Variants in PEAK1 observed in about 807,000 individuals in gnomAD.
PEAK1 encodes the protein inactive tyrosine-protein kinase PEAK1.
In PEAK1, 54 loss-of-function variants were observed where a neutral mutation model predicts 124.7. The ratio of observed to expected loss-of-function variants is 0.43; its 90% CI spans 0.35 to 0.54. PEAK1 has a LOEUF of 0.54. Among genes scored for constraint, PEAK1 ranks in the 20% least tolerant of loss-of-function variants. The pLI, the probability that PEAK1 is intolerant of heterozygous loss-of-function variation, is 0.01. For missense variants in PEAK1, 2,046 were observed against 2,134.5 expected, an observed-to-expected ratio of 0.96 and a Z score of 0.82; for synonymous variants, 719 against 760.0, an observed-to-expected ratio of 0.95 and a Z score of 0.89.
At chr15:77,337,992 A>C (rs2066303397) in intron 2 of PEAK1, 1 of 984,474 alleles carries the variant, frequency 1.0e-6, no homozygotes, top group Non-Finnish European at 1.2e-6. Context: ...GGAACCTATA[A>C]TAAATTATCT....
intron 1 of PEAK1, among the ~76,000 whole-genome samples, chr15:77,400,322 T>C (rs915900778): frequency 6.6e-6 from 1 of 152,084 alleles, no homozygotes; most frequent in Non-Finnish European, 1.5e-5. Flanking sequence ...TATATACCCA[T>C]AACAAAGGAA....
intron 2 of PEAK1, among the ~76,000 whole-genome samples, chr15:77,298,655 C>CA (rs1430500077): frequency 3.9e-5 from 6 of 152,046 alleles, no homozygotes; most frequent in Non-Finnish European, 2.9e-5. Context: ...TTTTTATTCA[C>CA]AGAGTCCACA....
intron 2 of PEAK1, among the ~76,000 whole-genome samples, chr15:77,338,336 C>G (rs2066322425): frequency 1.3e-5 from 2 of 152,258 alleles, no homozygotes; most frequent in South Asian, 4.1e-4. Context: ...TTTCCTCTTG[C>G]TGAGGGAGGA....
chr15:77,270,158 C>A (rs1257357716), intron 5 of PEAK1, among the ~76,000 whole-genome samples: 1 of 151,984 alleles, frequency 6.6e-6, no homozygotes, highest in African/African-American at 2.4e-5. Flanking sequence ...TATGACAAAC[C>A]CACAGCCAAT....
chr15:77,334,538 T>G, intron 2 of PEAK1: 3 of 985,418 alleles, frequency 3.0e-6, no homozygotes, highest in Non-Finnish European at 3.6e-6. Context: ...ATGCGAGAAT[T>G]TATGGGTTGG....
Position 77,181,032 on chromosome 15 carries a change from T to C in PEAK1, c.895A>G (p.Lys299Glu). ...KKWNTIPLRN[K>E]SLQRICAVDY... Reference sequence around the variant, plus strand: ...ACAGCACAGATTCTCTGCAGAGACTTGTTTCGCAGGGGGATGGTATTCCAT... The same window carrying C: ...ACAGCACAGATTCTCTGCAGAGACTCGTTTCGCAGGGGGATGGTATTCCAT... The change falls in exon 7 of 10, where the codon AAG becomes GAG. Residue 299 changes from lysine to glutamate, a missense_variant. Transcript: ENST00000682557. 1.9e-6 allele frequency: 3 copies of C among 1,614,186 alleles called. No individual in the cohort carries two copies. Among genetic ancestry groups the C allele is most frequent in the Non-Finnish European group, 1.7e-6 (2 of 1,180,016 alleles).
chr15:77,404,612 G>C, intron 1 of PEAK1: 1 of 922,134 alleles, frequency 1.1e-6, no homozygotes, highest in Non-Finnish European at 1.3e-6. Context: ...TATTTCTATT[G>C]GACAGCACTG....
intron 9 of PEAK1, among the ~76,000 whole-genome samples, chr15:77,117,074 G>A (rs1237274014): frequency 6.6e-6 from 1 of 152,140 alleles, no homozygotes; most frequent in African/African-American, 2.4e-5. Context: ...TAGTTGTATA[G>A]GAGTTGGATC....
At chr15:77,416,687 T>C (rs2072909275) in intron 1 of PEAK1, among the ~76,000 whole-genome samples, 1 of 152,212 alleles carries the variant, frequency 6.6e-6, no homozygotes, top group Non-Finnish European at 1.5e-5. Flanking sequence ...TCCACTCACC[T>C]GCAGCTATTG....
intron 8 of PEAK1, chr15:77,156,969 G>A (rs891972259): frequency 1.3e-5 from 2 of 152,124 alleles, no homozygotes; most frequent in Non-Finnish European, 2.9e-5. Flanking sequence ...ACTATAGTAT[G>A]TTTCCCCTAC....
At chr15:77,210,611 G>C (rs1596630658) in intron 6 of PEAK1, among the ~76,000 whole-genome samples, 1 of 152,216 alleles carries the variant, frequency 6.6e-6, no homozygotes, top group East Asian at 1.9e-4. Context: ...TGGGCGCAGT[G>C]GCTCACGCCT....
rs561881659 is a variant in PEAK1, at chr15:77,144,151, C to T, written c.3332-10401G>A. ...TCAGAGGAGGTGAAGAACGGCTGATCGTGTGACTTTCTGCCAGCTAGAGAA... is the reference window on the plus strand; with the variant it reads ...TCAGAGGAGGTGAAGAACGGCTGATTGTGTGACTTTCTGCCAGCTAGAGAA... On this transcript the variant is annotated intron_variant, in intron 8 of 9. Coordinates refer to ENST00000682557, the MANE Select transcript of PEAK1 (RefSeq NM_001385026.1). Among the ~76,000 whole-genome samples, 47 of 152,318 alleles carry T rather than the reference C, an allele frequency of 3.1e-4. 1 individual carries two copies. The South Asian group carries it at 6.4e-3, about 21-fold the overall frequency.
intron 8 of PEAK1, among the ~76,000 whole-genome samples, chr15:77,152,595 T>C (rs902647732): frequency 2.0e-5 from 3 of 152,222 alleles, no homozygotes; most frequent in African/African-American, 7.2e-5. Flanking sequence ...TTCCAGTTTT[T>C]GCTCATTCAG....
intron 2 of PEAK1, among the ~76,000 whole-genome samples, chr15:77,319,315 G>C (rs1254259253): frequency 6.7e-6 from 1 of 150,056 alleles, no homozygotes; most frequent in Non-Finnish European, 1.5e-5. Context: ...AATCTTTTCA[G>C]TGATCTACAA....
Position 77,182,049 on chromosome 15 carries a change from G to A in PEAK1, c.-114-9C>T. The stretch of plus-strand genomic sequence containing the variant: ...TTCTAAGAATGATCAATCTGTGGAG[G>A]GGAAAAGAAGACAAAAAATCTGAAT... On this transcript the variant is annotated splice_polypyrimidine_tract_variant and intron_variant, in intron 6 of 9. Coordinates refer to ENST00000682557, the MANE Select transcript of PEAK1 (RefSeq NM_001385026.1). 3 of 1,390,210 alleles carry A rather than the reference G, an allele frequency of 2.2e-6. No individual in the cohort carries two copies. Among genetic ancestry groups the A allele is most frequent in the Non-Finnish European group, 2.8e-6 (3 of 1,076,592 alleles). The allele number at this position is 1,390,210 out of a possible 1,614,324, so 86.1% of individuals were successfully genotyped here.
chr15:77,380,417 C>G (rs1169496949), intron 1 of PEAK1, among the ~76,000 whole-genome samples: 1 of 152,120 alleles, frequency 6.6e-6, no homozygotes, highest in Non-Finnish European at 1.5e-5. Context: ...GGCAAGATCC[C>G]TTTTTATTCC....
intron 6 of PEAK1, among the ~76,000 whole-genome samples, chr15:77,239,629 G>C (rs761654512): frequency 1.3e-5 from 2 of 152,154 alleles, no homozygotes; most frequent in Non-Finnish European, 2.9e-5. Context: ...CATAAAGGAA[G>C]ATCAAGTGAA....
intron 6 of PEAK1, among the ~76,000 whole-genome samples, chr15:77,193,616 C>A (rs1481472479): frequency 6.6e-6 from 1 of 152,140 alleles, no homozygotes. Context: ...CCAGCCTGGC[C>A]AACATGGCGA....
Position 77,181,876 on chromosome 15 carries a change from G to T in PEAK1, c.51C>A (p.Cys17Ter). 2 of 1,603,954 alleles carry T rather than the reference G, an allele frequency of 1.2e-6. No homozygotes were observed. Among genetic ancestry groups the T allele is most frequent in the Non-Finnish European group, 8.5e-7 (1 of 1,173,640 alleles). The stretch of plus-strand genomic sequence containing the variant: ...AACTTTTAGGTTTAAAGCAATTCTT[G>T]CATTCACCAGGTTTCCAAACATGTT... ...FTEHVWKPGECKNCFKPKSLH... is the reference protein window; with the variant it reads ...FTEHVWKPGE Residue 17 changes from cysteine (C) to a stop codon, truncating the protein, a stop_gained, in exon 7 of 10, where the codon TGC (cysteine) becomes TGA (stop). Coordinates refer to ENST00000682557, the MANE Select transcript of PEAK1 (RefSeq NM_001385026.1). LOFTEE classifies it high-confidence loss of function.
Sources: gnomAD v4.1 joint callset for allele counts (sites outside exome capture counted in the v4.1 genomes callset) on GRCh38, gnomAD v4.1.1 for gene constraint, MANE v1.5 for transcripts, NCBI Gene and HGNC (gene_info 2026-07-23, HGNC 2026-07-21) for gene names.